The following PDE11A variants were observed in gnomAD, a reference collection of about 807,000 sequenced individuals.
The protein encoded by PDE11A is dual 3',5'-cyclic-AMP and -GMP phosphodiesterase 11A.
In PDE11A, 100 loss-of-function variants were observed where a neutral mutation model predicts 100.5. The observed-to-expected ratio is 1.00, with a 90% CI of 0.85 to 1.18. The LOEUF (loss-of-function observed/expected upper bound fraction) is 1.18. Ranked by LOEUF, PDE11A falls within the 50% of genes most tolerant of loss-of-function variation. The probability of loss-of-function intolerance (pLI) is 0.00; values close to 1 mark genes in which losing one functional copy is unlikely to be tolerated. For missense variants in PDE11A, 1,141 were observed against 1,152.6 expected (o/e 0.99, Z 0.15); for synonymous variants, 381 against 420.8 (o/e 0.91, Z 1.16).
intron 2 of PDE11A, among the ~76,000 whole-genome samples, chr2:177,945,825 GT>G (rs2085412934): frequency 1.9e-5 from 2 of 106,352 alleles, no homozygotes; most frequent in Non-Finnish European, 2.3e-5. Flanking sequence ...CGGGAGGGAG[GT>G]GGGGGGGTCA....
chr2:177,658,692 T>C (rs4144276), intron 19 of PDE11A, among the ~76,000 whole-genome samples: 95,223 of 150,668 alleles, frequency 0.63, 32,656 homozygotes, highest in Admixed American at 0.75. Flanking sequence ...GAAACACTTA[T>C]AGGAAACTAA....
At chr2:177,957,088 C>CA (rs199859889) in intron 2 of PDE11A, among the ~76,000 whole-genome samples, 1,961 of 148,670 alleles carry the variant, frequency 0.013, 30 homozygotes, top group East Asian at 0.076. Flanking sequence ...AGCAAAAAAA[C>CA]AAAAAAAAAC....
chr2:177,811,280 A>G (rs371236394), intron 9 of PDE11A, among the ~76,000 whole-genome samples: 3 of 152,238 alleles, frequency 2.0e-5, no homozygotes, highest in East Asian at 3.9e-4. Context: ...ATAGAATGGA[A>G]ATCAGGATCA....
intron 2 of PDE11A, among the ~76,000 whole-genome samples, chr2:177,936,033 A>C (rs756219610): frequency 5.9e-5 from 9 of 152,278 alleles, no homozygotes; most frequent in Non-Finnish European, 7.4e-5. Flanking sequence ...TGGGAAATTC[A>C]ATGTCTTCTA....
In PDE11A at chr2:177,822,726, C is replaced by T. The variant is rs533779698; in HGVS notation, c.1501-2431G>A. Among the ~76,000 whole-genome samples, 11 of 151,916 alleles carry T rather than the reference C, an allele frequency of 7.2e-5. No homozygotes were observed. In the South Asian group the frequency reaches 2.1e-3, roughly 29 times the overall value. The stretch of plus-strand genomic sequence containing the variant: ...CTGAGTCTTTCAATCCATAAATATC[C>T]CTTAATTTATTTAAGGCTCTTAAAA... On this transcript the variant is annotated intron_variant, in intron 6 of 19. Coordinates refer to ENST00000286063, the MANE Select transcript of PDE11A (RefSeq NM_016953.4).
At chr2:177,931,903 T>C (rs1158780789) in intron 2 of PDE11A, among the ~76,000 whole-genome samples, 2 of 82,546 alleles carry the variant, frequency 2.4e-5, no homozygotes, top group African/African-American at 9.8e-5. Context: ...GACCACTAGC[T>C]AGATTAACAA....
At chr2:177,926,033 A>C (rs1460690963) in intron 2 of PDE11A, among the ~76,000 whole-genome samples, 4 of 152,042 alleles carry the variant, frequency 2.6e-5, no homozygotes, top group African/African-American at 9.7e-5. Context: ...AGCAGCAAAA[A>C]TTCTCTCTAA....
At chr2:177,964,470 C>T (rs911723810) in intron 2 of PDE11A, among the ~76,000 whole-genome samples, 14 of 151,810 alleles carry the variant, frequency 9.2e-5, no homozygotes, top group African/African-American at 2.4e-4. Context: ...TTTGTTGTAC[C>T]GGTTATTTAA....
chr2:177,703,831 G>T (rs2164859), intron 13 of PDE11A, among the ~76,000 whole-genome samples: 141,595 of 152,222 alleles, frequency 0.93, 66,256 homozygotes, highest in East Asian at 1. Context: ...TGGCTTCTGA[G>T]GCACTGCTCC....
intron 6 of PDE11A, among the ~76,000 whole-genome samples, chr2:177,836,420 A>T (rs1387891264): frequency 2.6e-5 from 4 of 152,180 alleles, no homozygotes; most frequent in Admixed American, 2.6e-4. Flanking sequence ...AGCTAATCTG[A>T]TGCGGACTTG....
At chr2:177,776,927 T>C (rs2082386085) in intron 9 of PDE11A, among the ~76,000 whole-genome samples, 1 of 152,158 alleles carries the variant, frequency 6.6e-6, no homozygotes, top group South Asian at 2.1e-4. Flanking sequence ...GGGGGGCAGT[T>C]ACCCTCATGC....
chr2:177,986,853 G>GATAATA (rs1017546294), intron 2 of PDE11A, among the ~76,000 whole-genome samples: 4 of 151,622 alleles, frequency 2.6e-5, no homozygotes, highest in Admixed American at 2.6e-4. Flanking sequence ...AAAGAATGGG[G>GATAATA]ATAATAATGG....
Position 177,625,605 on chromosome 2 carries a change from A to G in PDE11A, c.*3802T>C, listed in dbSNP as rs1289091929. The G allele has an allele frequency of 3.3e-5, 5 of 152,216 alleles. No homozygotes were observed. Among genetic ancestry groups the G allele is most frequent in the Non-Finnish European group, 7.4e-5 (5 of 68,010 alleles). The allele number at this position is 152,216 out of a possible 1,614,324, so 9.4% of individuals were successfully genotyped here. On this transcript the variant is annotated 3_prime_UTR_variant, in exon 20 of 20. Coordinates refer to ENST00000286063, the MANE Select transcript of PDE11A (RefSeq NM_016953.4). Reference sequence around the variant, plus strand: ...GAAGTTATTTCAACAATTAATGCCAAGAGACCTGAGGAAGCAAACATAATC... The same window carrying G: ...GAAGTTATTTCAACAATTAATGCCAGGAGACCTGAGGAAGCAAACATAATC...
At chr2:177,942,866 C>G (rs1186130402) in intron 2 of PDE11A, among the ~76,000 whole-genome samples, 2 of 151,964 alleles carry the variant, frequency 1.3e-5, no homozygotes, top group East Asian at 3.8e-4. Flanking sequence ...ATTAAACAAC[C>G]CCCTATTTCC....
chr2:177,847,009 A>G (rs1157709019), intron 5 of PDE11A, among the ~76,000 whole-genome samples: 1 of 152,194 alleles, frequency 6.6e-6, no homozygotes, highest in South Asian at 2.1e-4. Context: ...CAAAATATTT[A>G]GCAATAGTTA....
Position 177,952,021 on chromosome 2 carries a change from A to T in PDE11A, c.1072-46834T>A, listed in dbSNP as rs1177594573. On this transcript the variant is annotated intron_variant, in intron 2 of 19. Coordinates refer to ENST00000286063, the MANE Select transcript of PDE11A (RefSeq NM_016953.4). ...TGCTGCACCCATCAACCTGTCATTT[A>T]CATTAGGTATTTCCATATGAAGATC... is the stretch of plus-strand genomic sequence containing the variant. Among the ~76,000 whole-genome samples the T allele has an allele frequency of 2.0e-5, 3 of 152,304 alleles. No individual in the cohort carries two copies. In the South Asian group the frequency reaches 6.2e-4, roughly 32 times the overall value.
chr2:177,669,332 T>G (rs1231914988), intron 18 of PDE11A, among the ~76,000 whole-genome samples, 161 bp downstream of exon 18: 5 of 152,214 alleles, frequency 3.3e-5, no homozygotes, highest in Non-Finnish European at 7.3e-5. Flanking sequence ...AACTTGGGAA[T>G]AAGAGTGTTT....
intron 10 of PDE11A, among the ~76,000 whole-genome samples, chr2:177,752,622 G>C (rs920970855): frequency 6.6e-5 from 10 of 152,308 alleles, no homozygotes; most frequent in African/African-American, 2.4e-4. Context: ...AGGTAGATTT[G>C]CAAGTTCGGG....
At chr2:177,960,039 T>G (rs1269358616) in intron 2 of PDE11A, among the ~76,000 whole-genome samples, 1 of 152,164 alleles carries the variant, frequency 6.6e-6, no homozygotes, top group Admixed American at 6.5e-5. Context: ...ACTAAAGGTT[T>G]AGAATTAGCC....
Sources: gnomAD v4.1 joint callset for allele counts (sites outside exome capture counted in the v4.1 genomes callset) on GRCh38, gnomAD v4.1.1 for gene constraint, MANE v1.5 for transcripts, NCBI Gene and HGNC (gene_info 2026-07-23, HGNC 2026-07-21) for gene names.